Variants in SETD3 observed in about 807,000 individuals in gnomAD.
The protein encoded by SETD3 is actin-histidine N-methyltransferase.
SETD3 carries 19 observed loss-of-function variants against 63.0 expected under a neutral mutation model. That is an observed-to-expected ratio of 0.30 (90% CI 0.21 to 0.44). SETD3 has a LOEUF of 0.44. Ranked by LOEUF, SETD3 falls within the 20% of genes least tolerant of loss-of-function variation. The pLI is 1.00. For missense variants in SETD3, 587 were observed against 728.5 expected, an observed-to-expected ratio of 0.81 and a Z score of 2.24; for synonymous variants, 286 against 264.1, an observed-to-expected ratio of 1.08 and a Z score of -0.80.
intron 1 of SETD3, among the ~76,000 whole-genome samples, chr14:99,479,424 A>T (rs185791294): frequency 1.7e-3 from 261 of 152,364 alleles, no homozygotes; most frequent in Non-Finnish European, 2.4e-3. Context: ...CACAGTACAT[A>T]CAGCAAGGTT....
At chr14:99,399,823 T>C (rs1891291365) in intron 12 of SETD3, among the ~76,000 whole-genome samples, 1 of 142,334 alleles carries the variant, frequency 7.0e-6, no homozygotes. Flanking sequence ...AGATCTCAGC[T>C]CACTGCAACC....
Position 99,451,606 on chromosome 14 carries a change from A to T in SETD3, c.675+6673T>A, listed in dbSNP as rs562265548. Reference sequence around the variant, plus strand: ...ACTGCAGCCTCAACTTCCTGTGTTTAAGCGATTCTCCTGCCTCAGCCTCCC... The same window carrying T: ...ACTGCAGCCTCAACTTCCTGTGTTTTAGCGATTCTCCTGCCTCAGCCTCCC... On this transcript the variant is annotated intron_variant, in intron 6 of 12. Transcript: ENST00000331768. Among the ~76,000 whole-genome samples the T allele has an allele frequency of 7.9e-5, 12 of 152,136 alleles. No individual in the cohort carries two copies. In the East Asian group the frequency reaches 2.3e-3, roughly 29 times the overall value.
intron 6 of SETD3, chr14:99,444,206 G>T (rs1893998381): frequency 6.6e-6 from 1 of 152,214 alleles, no homozygotes; most frequent in South Asian, 2.1e-4. Flanking sequence ...GGCAGTCAGG[G>T]GATCTGCCAT....
At chr14:99,416,280 A>G (rs1892287501) in intron 6 of SETD3, among the ~76,000 whole-genome samples, 1 of 152,228 alleles carries the variant, frequency 6.6e-6, no homozygotes, top group Non-Finnish European at 1.5e-5. Context: ...GTTAAAACAC[A>G]TCTTCCAAAA....
upstream of SETD3, chr14:99,480,917 G>T (rs1390282360): frequency 2.0e-5 from 3 of 151,470 alleles, no homozygotes; most frequent in Non-Finnish European, 4.4e-5. Flanking sequence ...CCCCGCCCCC[G>T]GGCCGCAGCC....
At chr14:99,477,128 G>A (rs893146539) in intron 1 of SETD3, among the ~76,000 whole-genome samples, 26 of 151,962 alleles carry the variant, frequency 1.7e-4, no homozygotes, top group African/African-American at 5.8e-4. Context: ...GTCTTTCATT[G>A]TCAACCAAGA....
At chr14:99,448,644 A>C (rs1894274859) in intron 6 of SETD3, among the ~76,000 whole-genome samples, 1 of 152,102 alleles carries the variant, frequency 6.6e-6, no homozygotes, top group African/African-American at 2.4e-5. Flanking sequence ...TATGAAACTG[A>C]CCGCCTTGTA....
In SETD3 at chr14:99,453,317, C is replaced by G. The variant is rs370929542; in HGVS notation, c.675+4962G>C. Among the ~76,000 whole-genome samples the G allele has an allele frequency of 2.0e-5, 3 of 152,104 alleles. No homozygotes were observed. The East Asian group carries it at 5.8e-4, about 29-fold the overall frequency. On this transcript the variant is annotated intron_variant, in intron 6 of 12. Coordinates refer to ENST00000331768, the MANE Select transcript of SETD3 (RefSeq NM_032233.3). ...ATTTATTACTTAAGACTTTTAGAACCGATGAGAACATTCTAAAACTAGAAA... is the reference window on the plus strand; with the variant it reads ...ATTTATTACTTAAGACTTTTAGAACGGATGAGAACATTCTAAAACTAGAAA...
chr14:99,448,835 G>A (rs117553818), intron 6 of SETD3, among the ~76,000 whole-genome samples: 1,731 of 152,308 alleles, frequency 0.011, 18 homozygotes, highest in Non-Finnish European at 0.016. Flanking sequence ...CACACAGGAA[G>A]CAGTGGCCAC....
intron 6 of SETD3, among the ~76,000 whole-genome samples, chr14:99,444,852 TTG>T (rs1050494095): frequency 3.5e-4 from 53 of 151,750 alleles, no homozygotes; most frequent in African/African-American, 1.3e-3. Flanking sequence ...AAAAAACAAC[TTG>T]ATATATGTCA....
Position 99,413,938 on chromosome 14 carries a change from G to A in SETD3, c.676-4C>T, listed in dbSNP as rs781272741. Reference sequence around the variant, plus strand: ...GTTTGTTGGCATGAGGATGGGTCTGGGAATTAGAAGTTTTAGAAAGCAGAG... The same window carrying A: ...GTTTGTTGGCATGAGGATGGGTCTGAGAATTAGAAGTTTTAGAAAGCAGAG... On this transcript the variant is annotated splice_region_variant and splice_polypyrimidine_tract_variant and intron_variant, in intron 6 of 12. Transcript: ENST00000331768. The A allele has an allele frequency of 5.0e-6, 8 of 1,613,410 alleles. No homozygotes were observed. In the East Asian group the frequency reaches 1.8e-4, roughly 36 times the overall value.
intron 6 of SETD3, among the ~76,000 whole-genome samples, chr14:99,418,338 A>T (rs1892388955): frequency 6.6e-6 from 1 of 152,156 alleles, no homozygotes; most frequent in Non-Finnish European, 1.5e-5. Flanking sequence ...CCTTAAGCAT[A>T]CATTAAAAGA....
intron 6 of SETD3, among the ~76,000 whole-genome samples, chr14:99,446,474 C>T (rs770360513): frequency 6.6e-6 from 1 of 152,174 alleles, no homozygotes; most frequent in Non-Finnish European, 1.5e-5. Context: ...CATTGCCTAA[C>T]CTTCCTTGGT....
At chr14:99,476,115 T>C (rs1230704682) in intron 1 of SETD3, among the ~76,000 whole-genome samples, 1 of 152,216 alleles carries the variant, frequency 6.6e-6, no homozygotes, top group Non-Finnish European at 1.5e-5. Flanking sequence ...CAATATAAGA[T>C]AGGTATTAAC....
intron 1 of SETD3, among the ~76,000 whole-genome samples, chr14:99,479,049 A>G (rs1232429951): frequency 6.6e-6 from 1 of 152,274 alleles, no homozygotes; most frequent in Non-Finnish European, 1.5e-5. Flanking sequence ...ACATACAGAC[A>G]TAAGATGTTC....
chr14:99,449,749 C>T (rs1023101143), intron 6 of SETD3, among the ~76,000 whole-genome samples: 4 of 152,216 alleles, frequency 2.6e-5, no homozygotes, highest in Admixed American at 6.5e-5. Context: ...TATCGTACCA[C>T]GGTTGACTTC....
At chr14:99,413,151 G>C (rs1892097654) in intron 7 of SETD3, 86 bp from the exon 8 acceptor site, 11 of 721,910 alleles carry the variant, frequency 1.5e-5, no homozygotes, top group Admixed American at 2.5e-5. Context: ...ATTTAGGTTT[G>C]ATCTCTTACA....
intron 1 of SETD3, among the ~76,000 whole-genome samples, chr14:99,479,776 T>C (rs1896168218): frequency 6.6e-6 from 1 of 152,224 alleles, no homozygotes; most frequent in African/African-American, 2.4e-5. Context: ...TTTAAAAGTA[T>C]TTTTGCTTTT....
chr14:99,412,854 G>T (rs563387669), intron 8 of SETD3, 97 bp downstream of exon 8: 5 of 841,486 alleles, frequency 5.9e-6, no homozygotes, highest in Non-Finnish European at 1.0e-5. Context: ...GAGGCAACGG[G>T]GGGAGTACGA....
Sources: gnomAD v4.1 joint callset for allele counts (sites outside exome capture counted in the v4.1 genomes callset) on GRCh38, gnomAD v4.1.1 for gene constraint, MANE v1.5 for transcripts, NCBI Gene and HGNC (gene_info 2026-07-23, HGNC 2026-07-21) for gene names.